Variants in PUM1 observed in about 807,000 individuals in gnomAD.
PUM1 encodes pumilio homolog 1.
In PUM1, 13 loss-of-function variants were observed where a neutral mutation model predicts 131.8. That is an observed-to-expected ratio of 0.10 (90% CI 0.06 to 0.16). PUM1 has a LOEUF of 0.16. PUM1 is among the 10% of genes least tolerant of loss of function. The pLI is 1.00. For synonymous variants in PUM1, 509 were observed against 556.5 expected, an observed-to-expected ratio of 0.91 and a Z score of 1.20; for missense variants, 961 against 1,512.4, an observed-to-expected ratio of 0.64 and a Z score of 6.05.
intron 2 of PUM1, among the ~76,000 whole-genome samples, chr1:31,041,523 G>C (rs995645351): frequency 6.6e-6 from 1 of 152,172 alleles, no homozygotes; most frequent in Non-Finnish European, 1.5e-5. Flanking sequence ...GGTGAACCTA[G>C]TGTGTAGTGT....
intron 2 of PUM1, among the ~76,000 whole-genome samples, chr1:31,030,103 G>C (rs762235547): frequency 1.3e-5 from 2 of 151,912 alleles, no homozygotes; most frequent in African/African-American, 2.4e-5. Context: ...TATAATCTCA[G>C]GAGGTTGAGG....
At chr1:31,042,168 T>C (rs1643839485) in intron 2 of PUM1, among the ~76,000 whole-genome samples, 1 of 152,096 alleles carries the variant, frequency 6.6e-6, no homozygotes, top group East Asian at 1.9e-4. Flanking sequence ...TAGCCAAGCA[T>C]GGTGGTGCAT....
chr1:31,050,459 G>A (rs1257053964), intron 2 of PUM1, among the ~76,000 whole-genome samples: 2 of 148,610 alleles, frequency 1.3e-5, no homozygotes, highest in African/African-American at 4.9e-5. Context: ...GTGACAAAGT[G>A]AGACTCTGTC....
At chr1:30,941,045 T>C (rs901601916) in intron 20 of PUM1, 106 bp downstream of exon 20, 4 of 1,340,358 alleles carry the variant, frequency 3.0e-6, no homozygotes, top group Non-Finnish European at 4.0e-6. Flanking sequence ...TATATATACT[T>C]TGAAAACAAC....
intron 5 of PUM1, 25 bp from the exon 6 acceptor site, chr1:30,995,245 C>T: frequency 6.2e-7 from 1 of 1,612,802 alleles, no homozygotes; most frequent in Non-Finnish European, 8.5e-7. Flanking sequence ...GCTTCAGCTT[C>T]ACTAATCGTC....
In PUM1 at chr1:31,041,069, T is replaced by C. The variant is rs371023283; in HGVS notation, c.364-12205A>G. 3.5e-4 allele frequency among the ~76,000 whole-genome samples: 53 copies of C among 152,170 alleles called. No individual in the cohort carries two copies. The South Asian group carries it at 6.2e-3, about 18-fold the overall frequency. ...CAACATAGGTATAATCTCGGAACTA[T>C]TGTCGGCAGAAACAGGAGGCAGAAA... On this transcript the variant is annotated intron_variant, in intron 2 of 21. Coordinates refer to ENST00000426105, the MANE Select transcript of PUM1 (RefSeq NM_001020658.2).
chr1:30,945,091 A>T (rs934500288), intron 18 of PUM1, among the ~76,000 whole-genome samples: 1 of 152,186 alleles, frequency 6.6e-6, no homozygotes, highest in Middle Eastern at 3.4e-3. Context: ...AAAATGAGCC[A>T]GGTGTGGTGG....
chr1:31,046,594 G>A (rs554204445), intron 2 of PUM1, among the ~76,000 whole-genome samples: 4 of 145,290 alleles, frequency 2.8e-5, no homozygotes, highest in African/African-American at 5.1e-5. Flanking sequence ...TGTAACTTCC[G>A]CCTCCGGGGT....
chr1:31,064,876 T>C (rs1358252293), intron 1 of PUM1, among the ~76,000 whole-genome samples: 1 of 151,490 alleles, frequency 6.6e-6, no homozygotes, highest in African/African-American at 2.4e-5. Flanking sequence ...CAAGCATGTT[T>C]GTGAGGACTA....
intron 3 of PUM1, among the ~76,000 whole-genome samples, chr1:31,025,364 C>A (rs1256928988): frequency 2.0e-5 from 3 of 152,088 alleles, no homozygotes; most frequent in Non-Finnish European, 4.4e-5. Flanking sequence ...ATTCTAAAGA[C>A]TCCATACATT....
In PUM1 at chr1:31,065,717, T is replaced by G. The variant is rs1311808271; in HGVS notation, c.-113A>C. Reference sequence around the variant, plus strand: ...TCACTCCGACAACATGGCGGCCCACTGGGGACTGGGTTGGCGCGGTGCATC... The same window carrying G: ...TCACTCCGACAACATGGCGGCCCACGGGGGACTGGGTTGGCGCGGTGCATC... On this transcript the variant is annotated 5_prime_UTR_variant, in exon 1 of 22. Coordinates refer to ENST00000426105, the MANE Select transcript of PUM1 (RefSeq NM_001020658.2). The G allele has an allele frequency of 3.2e-6, 5 of 1,548,502 alleles. No individual in the cohort carries two copies. The highest frequency in any genetic ancestry group is 4.4e-6 in the Non-Finnish European group (5 of 1,146,560).
rs555867693 is a variant in PUM1 at position 31,054,535 on chromosome 1, T to TAAA, written c.363+4666_363+4668dup. On this transcript the variant is annotated intron_variant, in intron 2 of 21. Coordinates refer to ENST00000426105, the MANE Select transcript of PUM1 (RefSeq NM_001020658.2). The stretch of plus-strand genomic sequence containing the variant: ...TTGTTCCATTATGCCAAAGGGCCAC[T>TAAA]AAAAAAAAAAAAAAAAAAAAAAAGG... Among the ~76,000 whole-genome samples the TAAA allele has an allele frequency of 2.9e-4, 24 of 83,392 alleles. No homozygotes were observed. The East Asian group carries it at 5.8e-3, about 20-fold the overall frequency. 54.7% of individuals were successfully genotyped at this position (83,392 alleles called of 152,430 possible).
chr1:30,992,610 C>A lies in PUM1; in HGVS notation c.938G>T (p.Gly313Val), dbSNP rs1264667920. The change falls in exon 7 of 22, where the codon GGT becomes GTT. Residue 313 changes from glycine to valine, a missense_variant. Transcript: ENST00000426105. ...QNSANEVDLL[G>V]PNQNGSEGLA... ...GCCCTCAGAACCATTCTGGTTTGGA[C>A]CCAGAAGATCCACTTCATTAGCAGA... 1.2e-6 allele frequency: 2 copies of A among 1,614,094 alleles called. No individual in the cohort carries two copies. The highest frequency in any genetic ancestry group is 1.7e-6 in the Non-Finnish European group (2 of 1,179,996).
rs1643310907 is a variant in PUM1, at chr1:31,028,786, G to A, written c.432+10C>T. 1 of 1,610,338 alleles carries A rather than the reference G, an allele frequency of 6.2e-7. No homozygotes were observed. Among genetic ancestry groups the A allele is most frequent in the Non-Finnish European group, 8.5e-7 (1 of 1,176,718 alleles). ...ACAGACCCACTTTTCTGACACACCA[G>A]TTCACTTACCTCTCCCATCGCTCTT... On this transcript the variant is annotated intron_variant, in intron 3 of 21. Transcript: ENST00000426105.
intron 20 of PUM1, among the ~76,000 whole-genome samples, chr1:30,938,900 TAGATAGACAGACAGACAGAC>T (rs759442019): frequency 0.26 from 35,777 of 138,838 alleles, 5,305 homozygotes; most frequent in Non-Finnish European, 0.33. Context: ...GATAGATAGA[TAGATAGACAGACAGACAGAC>T]AGACAGACAG....
chr1:30,976,324 T>C (rs1380929310), intron 9 of PUM1, among the ~76,000 whole-genome samples: 2 of 152,170 alleles, frequency 1.3e-5, no homozygotes, highest in African/African-American at 2.4e-5. Context: ...TCAAAGTCAA[T>C]TCTTCAAATC....
chr1:31,018,680 C>G (rs183630274), intron 3 of PUM1, among the ~76,000 whole-genome samples: 43 of 152,098 alleles, frequency 2.8e-4, no homozygotes, highest in African/African-American at 9.9e-4. Flanking sequence ...TAAAGTAAAA[C>G]AAAATAAAAG....
rs753652960 is a variant in PUM1 at position 31,059,412 on chromosome 1, G to C, written c.155C>G (p.Ala52Gly). ...AGTCCCAGCTGCAAGAGCCTGATTT[G>C]CAGCTGGTTGTGGCTGCGCTTGCGA... ...TGSQAQPQPA[A>G]NQALAAGTHS... The change falls in exon 2 of 22, where the codon GCA becomes GGA. Residue 52 changes from alanine to glycine, a missense_variant. Transcript: ENST00000426105. The C allele has an allele frequency of 3.7e-6, 6 of 1,614,190 alleles. No individual in the cohort carries two copies. In the Admixed American group the frequency reaches 1.0e-4, roughly 27 times the overall value.
intron 15 of PUM1, among the ~76,000 whole-genome samples, chr1:30,953,017 C>T (rs1347594110): frequency 3.3e-5 from 5 of 151,784 alleles, no homozygotes; most frequent in Non-Finnish European, 5.9e-5. Flanking sequence ...AAAACAAAAA[C>T]AAAACAGTAT....
Sources: allele counts gnomAD v4.1 joint callset (sites outside exome capture counted in the v4.1 genomes callset), GRCh38; gene constraint gnomAD v4.1.1; transcripts MANE v1.5; gene names NCBI Gene and HGNC (gene_info 2026-07-23, HGNC 2026-07-21).